GLDC: variants seen among roughly 807,000 people sequenced by gnomAD.
GLDC encodes the protein glycine dehydrogenase (decarboxylating), mitochondrial.
GLDC carries 104 observed loss-of-function variants against 121.3 expected under a neutral mutation model. The observed-to-expected ratio is 0.86, with a 90% confidence interval of 0.73 to 1.01. GLDC has a LOEUF of 1.01. GLDC is among the 50% of genes least tolerant of loss of function. The pLI is 0.00. For synonymous variants in GLDC, 546 were observed against 480.6 expected, an observed-to-expected ratio of 1.14 and a Z score of -1.78; for missense variants, 1,429 against 1,306.6, an observed-to-expected ratio of 1.09 and a Z score of -1.44.
At chr9:6,571,973 T>C (rs188703827) in intron 15 of GLDC, among the ~76,000 whole-genome samples, 2 of 152,308 alleles carry the variant, frequency 1.3e-5, no homozygotes, top group Admixed American at 1.3e-4. Flanking sequence ...TTTCAATAAA[T>C]GGAACTGAAA....
At chr9:6,587,401 T>C in intron 14 of GLDC, 118 bp from the exon 15 acceptor site, 1 of 747,502 alleles carries the variant, frequency 1.3e-6, no homozygotes, top group Admixed American at 2.2e-5. Context: ...TTCTAAGCGC[T>C]ATACATATGT....
intron 15 of GLDC, among the ~76,000 whole-genome samples, chr9:6,578,920 A>T (rs1305007517): frequency 6.6e-6 from 1 of 152,080 alleles, no homozygotes; most frequent in Non-Finnish European, 1.5e-5. Context: ...ATATTTGTGA[A>T]TTTTGCTCAT....
intron 11 of GLDC, 120 bp from the exon 12 acceptor site, chr9:6,589,412 C>T (rs563775764): frequency 1.8e-5 from 8 of 454,314 alleles, no homozygotes; most frequent in Middle Eastern, 3.9e-4. Context: ...TATAATTTTA[C>T]TTATTTATTT....
At chr9:6,558,420 G>C (rs1817679764) in intron 17 of GLDC, 139 bp downstream of exon 17, 1 of 970,084 alleles carries the variant, frequency 1.0e-6, no homozygotes, top group Non-Finnish European at 1.7e-6. Flanking sequence ...GAGGGGTAGA[G>C]TAGACTCTGG....
At chr9:6,612,251 T>TCACACA (rs145465375) in intron 3 of GLDC, among the ~76,000 whole-genome samples, 1,981 of 143,940 alleles carry the variant, frequency 0.014, 47 homozygotes, top group African/African-American at 0.052. Flanking sequence ...TCTCTCTCTC[T>TCACACA]CTCACACACA....
intron 15 of GLDC, among the ~76,000 whole-genome samples, chr9:6,570,316 T>C (rs1218251421): frequency 1.3e-5 from 2 of 152,204 alleles, no homozygotes; most frequent in Non-Finnish European, 2.9e-5. Context: ...GATTCTAAAG[T>C]TTTAAAAATT....
chr9:6,558,607 C>A lies in GLDC; in HGVS notation c.2004G>T (p.Val668=), dbSNP rs1817684100. The change falls in exon 17 of 25, where the codon GTG becomes GTT. Residue 668 remains valine (V), a synonymous_variant. Coordinates refer to ENST00000321612, the MANE Select transcript of GLDC (RefSeq NM_000170.3). ...AHMAGMKIQP[V]EVDKYGNIDA... ...CGATATTCCCATATTTATCCACCTC[C>A]ACAGGCTGAATCTTCATGCCTGCCA... 1 of 1,614,200 alleles carries A rather than the reference C, an allele frequency of 6.2e-7. No homozygotes were observed.
intron 19 of GLDC, among the ~76,000 whole-genome samples, chr9:6,554,264 C>G (rs1201300537): frequency 1.3e-5 from 2 of 151,996 alleles, no homozygotes; most frequent in East Asian, 1.9e-4. Flanking sequence ...CACCTTACAT[C>G]TAATTCACTT....
chr9:6,534,771 C>T lies in GLDC; in HGVS notation c.2856G>A (p.Leu952=). ...VNPLKMSPHS[L]TCVTSSHWDR... ...CCCAGTGGGAAGATGTAACGCAGGTCAGGGAGTGTGGAGACATCTGAGACA... is the reference window on the plus strand; with the variant it reads ...CCCAGTGGGAAGATGTAACGCAGGTTAGGGAGTGTGGAGACATCTGAGACA... Residue 952 remains leucine (L), a synonymous_variant, in exon 24 of 25, where the codon CTG becomes CTA. Coordinates refer to ENST00000321612, the MANE Select transcript of GLDC (RefSeq NM_000170.3). The T allele has an allele frequency of 6.2e-7, 1 of 1,603,070 alleles. No individual in the cohort carries two copies. Among genetic ancestry groups the T allele is most frequent in the East Asian group, 2.2e-5 (1 of 44,826 alleles).
At chr9:6,563,123 G>C (rs1817790565) in intron 16 of GLDC, among the ~76,000 whole-genome samples, 1 of 152,194 alleles carries the variant, frequency 6.6e-6, no homozygotes, top group African/African-American at 2.4e-5. Context: ...ACAAAGAGAG[G>C]GAACAGGAAC....
intron 22 of GLDC, among the ~76,000 whole-genome samples, chr9:6,536,494 A>G (rs1173621780): frequency 6.6e-6 from 1 of 152,214 alleles, no homozygotes; most frequent in Non-Finnish European, 1.5e-5. Context: ...ATTCAAAAGT[A>G]CATAAATGTG....
chr9:6,556,378 T>C (rs1281755446), intron 17 of GLDC, 76 bp from the exon 18 acceptor site: 2 of 1,207,662 alleles, frequency 1.7e-6, no homozygotes, highest in African/African-American at 3.0e-5. Flanking sequence ...CGCCTTTCAT[T>C]TTAAAGGATG....
intron 15 of GLDC, among the ~76,000 whole-genome samples, chr9:6,582,249 T>G (rs1587942424): frequency 3.9e-5 from 5 of 129,534 alleles, no homozygotes; most frequent in East Asian, 2.4e-4. Context: ...CCGGGCATGG[T>G]GTCTCACGCC....
At chr9:6,540,012 C>G (rs1186797610) in intron 22 of GLDC, 39 bp downstream of exon 22, 8 of 1,283,098 alleles carry the variant, frequency 6.2e-6, no homozygotes, top group Non-Finnish European at 9.1e-6. Context: ...TGGTCCACAG[C>G]CAGCATGGGC....
intron 22 of GLDC, among the ~76,000 whole-genome samples, chr9:6,537,014 A>AT (rs1817141634): frequency 1.3e-5 from 2 of 151,036 alleles, no homozygotes; most frequent in African/African-American, 4.9e-5. Flanking sequence ...CATTTCTTAT[A>AT]ATTTTTCTGT....
chr9:6,640,558 T>G (rs1483138704), intron 2 of GLDC, among the ~76,000 whole-genome samples: 3 of 152,234 alleles, frequency 2.0e-5, no homozygotes, highest in Non-Finnish European at 2.9e-5. Context: ...CTCTGGAACA[T>G]TCAGCTGGCA....
At chr9:6,626,492 A>G (rs1299475747) in intron 2 of GLDC, among the ~76,000 whole-genome samples, 1 of 151,846 alleles carries the variant, frequency 6.6e-6, no homozygotes, top group African/African-American at 2.4e-5. Context: ...AAGAACTAAG[A>G]TGGTGCCTGC....
intron 16 of GLDC, among the ~76,000 whole-genome samples, chr9:6,562,160 G>C (rs992649461): frequency 1.3e-5 from 2 of 152,168 alleles, no homozygotes; most frequent in African/African-American, 4.8e-5. Flanking sequence ...ATTATAAAGT[G>C]TTAAAGGCCA....
chr9:6,623,460 C>T (rs1232512404), intron 2 of GLDC, among the ~76,000 whole-genome samples: 1 of 149,410 alleles, frequency 6.7e-6, no homozygotes, highest in African/African-American at 2.5e-5. Flanking sequence ...TCTCAAGTAC[C>T]CAGGGACACA....
Sources: gnomAD v4.1 joint callset for allele counts (sites outside exome capture counted in the v4.1 genomes callset) on GRCh38, gnomAD v4.1.1 for gene constraint, MANE v1.5 for transcripts, NCBI Gene and HGNC (gene_info 2026-07-23, HGNC 2026-07-21) for gene names.